The following GLIS3 variants were observed in gnomAD, a reference collection of about 807,000 sequenced individuals.
GLIS3 encodes zinc finger protein GLIS3.
A neutral mutation model predicts 78.6 loss-of-function variants in GLIS3; 53 were observed. The ratio of observed to expected loss-of-function variants is 0.67; its 90% CI spans 0.54 to 0.85. The LOEUF (loss-of-function observed/expected upper bound fraction) is 0.85. Ranked by LOEUF, GLIS3 falls within the 40% of genes least tolerant of loss-of-function variation. The pLI, the probability that GLIS3 is intolerant of heterozygous loss-of-function variation, is 0.00. For missense variants in GLIS3, 1,703 were observed against 1,231.1 expected, an observed-to-expected ratio of 1.38 and a Z score of -5.74; for synonymous variants, 684 against 509.9, an observed-to-expected ratio of 1.34 and a Z score of -4.60.
chr9:3,894,719 AT>A (rs3061590), intron 7 of GLIS3, among the ~76,000 whole-genome samples: 25,546 of 151,240 alleles, frequency 0.17, 2,162 homozygotes, highest in Middle Eastern at 0.21. Flanking sequence ...CAAAACATCT[AT>A]TTTTTTTTTT....
intron 2 of GLIS3, among the ~76,000 whole-genome samples, chr9:4,183,266 G>A (rs975560327): frequency 6.6e-6 from 1 of 152,176 alleles, no homozygotes; most frequent in African/African-American, 2.4e-5. Context: ...TTCACTGACT[G>A]TTGGGGTCAC....
At chr9:4,276,726 C>T (rs1048124023) in intron 2 of GLIS3, among the ~76,000 whole-genome samples, 11 of 152,122 alleles carry the variant, frequency 7.2e-5, no homozygotes, top group African/African-American at 1.2e-4. Flanking sequence ...GAACAAATCA[C>T]GCCTCCGATT....
intron 4 of GLIS3, among the ~76,000 whole-genome samples, chr9:4,095,593 G>C (rs1346057107): frequency 1.3e-5 from 2 of 152,122 alleles, no homozygotes; most frequent in African/African-American, 2.4e-5. Flanking sequence ...GAACATATGA[G>C]TTCTAATGTT....
the GLIS3 span, among the ~76,000 whole-genome samples, chr9:4,384,532 C>A: frequency 6.0e-3 from 861 of 144,414 alleles, 8 homozygotes; most frequent in African/African-American, 0.023. Context: ...TTCTTCCTTA[C>A]TTCTTTCCTT....
At chr9:4,264,868 G>C (rs1172343841) in intron 2 of GLIS3, among the ~76,000 whole-genome samples, 2 of 152,092 alleles carry the variant, frequency 1.3e-5, no homozygotes, top group Non-Finnish European at 2.9e-5. Flanking sequence ...CAAATACTCA[G>C]TGAAATAACA....
chr9:3,835,124 G>T (rs1287293656), intron 9 of GLIS3, among the ~76,000 whole-genome samples: 2 of 152,190 alleles, frequency 1.3e-5, no homozygotes, highest in Non-Finnish European at 2.9e-5. Context: ...TAGTAGGTTT[G>T]TTTATGCAGC....
At position 3,855,963 on chromosome 9, in the gene GLIS3, C is replaced by A. The variant is rs763032741; in HGVS notation, c.2473+46G>T. 7.5e-6 allele frequency: 12 copies of A among 1,595,870 alleles called. No individual in the cohort carries two copies. In the Admixed American group the frequency reaches 1.7e-4, roughly 22 times the overall value. The stretch of plus-strand genomic sequence containing the variant: ...GTAACTAAGATGAAAAGCAACAGCA[C>A]AATGTCACTTTTCAAAACTCAAGGG... On this transcript the variant is annotated intron_variant, in intron 9 of 10. Coordinates refer to ENST00000381971, the MANE Select transcript of GLIS3 (RefSeq NM_001042413.2).
At chr9:3,873,991 T>C (rs779403482) in intron 8 of GLIS3, among the ~76,000 whole-genome samples, 4 of 152,062 alleles carry the variant, frequency 2.6e-5, no homozygotes, top group Non-Finnish European at 5.9e-5. Context: ...ATGAAATATA[T>C]ATTTGGTCTT....
At chr9:4,166,581 C>A (rs888959640) in intron 2 of GLIS3, among the ~76,000 whole-genome samples, 1 of 152,224 alleles carries the variant, frequency 6.6e-6, no homozygotes, top group Admixed American at 6.5e-5. Context: ...AACTGGCCAA[C>A]CTTGGAAAGG....
chr9:4,243,252 A>C (rs1032868802), intron 2 of GLIS3, among the ~76,000 whole-genome samples: 1 of 152,236 alleles, frequency 6.6e-6, no homozygotes, highest in African/African-American at 2.4e-5. Context: ...AGAGTACAGT[A>C]CAGGAAGGAG....
chr9:4,145,407 T>C (rs1834142611), intron 2 of GLIS3, among the ~76,000 whole-genome samples: 1 of 152,120 alleles, frequency 6.6e-6, no homozygotes, highest in African/African-American at 2.4e-5. Context: ...AAACATATCT[T>C]TAGGTTGCCA....
chr9:3,942,396 A>C (rs140976271), intron 4 of GLIS3, among the ~76,000 whole-genome samples: 13 of 152,326 alleles, frequency 8.5e-5, no homozygotes, highest in African/African-American at 2.9e-4. Context: ...CCATCTCCAC[A>C]TACAACCCAA....
At chr9:4,114,402 G>A (rs1831466715) in intron 4 of GLIS3, among the ~76,000 whole-genome samples, 2 of 152,156 alleles carry the variant, frequency 1.3e-5, no homozygotes, top group Admixed American at 1.3e-4. Flanking sequence ...TTAGGAACAT[G>A]AAACAGGGGT....
At chr9:3,916,607 T>C (rs1373317685) in intron 6 of GLIS3, among the ~76,000 whole-genome samples, 2 of 152,220 alleles carry the variant, frequency 1.3e-5, no homozygotes, top group Admixed American at 6.5e-5. Flanking sequence ...CAGCGCTGCA[T>C]GGTGCCTGAT....
rs147526907 is a variant in GLIS3, at chr9:4,177,834, G to A, written c.389-51893C>T. On this transcript the variant is annotated intron_variant, in intron 2 of 10. Transcript: ENST00000381971. ...GAAAGCAGTACTGAATAAGCTATGC[G>A]ACAGAAAGATAGTATTCACAATGCT... Among the ~76,000 whole-genome samples, 642 of 152,258 alleles carry A rather than the reference G, an allele frequency of 4.2e-3. 4 individuals carry two copies. The highest frequency in any genetic ancestry group is 7.8e-3 in the Admixed American group (120 of 15,298).
chr9:3,957,303 C>T (rs1289310010), intron 4 of GLIS3, among the ~76,000 whole-genome samples: 1 of 152,222 alleles, frequency 6.6e-6, no homozygotes, highest in African/African-American at 2.4e-5. Context: ...AATAACACTT[C>T]CCCAGTTTGG....
At chr9:4,475,291 G>A in the GLIS3 span, among the ~76,000 whole-genome samples, 1 of 152,278 alleles carries the variant, frequency 6.6e-6, no homozygotes, top group South Asian at 2.1e-4. Context: ...AGTAAGAAGA[G>A]GCTGAACAGA....
intron 2 of GLIS3, among the ~76,000 whole-genome samples, chr9:4,283,992 G>C (rs767693103): frequency 6.6e-6 from 1 of 152,218 alleles, no homozygotes; most frequent in Non-Finnish European, 1.5e-5. Context: ...GAATCAAGAA[G>C]CAGCACTACT....
chr9:4,371,349 C>G, the GLIS3 span, among the ~76,000 whole-genome samples: 1 of 152,212 alleles, frequency 6.6e-6, no homozygotes, highest in Non-Finnish European at 1.5e-5. Flanking sequence ...CGAAGGCCCA[C>G]TCCACTTCTT....
Sources: gnomAD v4.1 joint callset for allele counts (sites outside exome capture counted in the v4.1 genomes callset) on GRCh38, gnomAD v4.1.1 for gene constraint, MANE v1.5 for transcripts, NCBI Gene and HGNC (gene_info 2026-07-23, HGNC 2026-07-21) for gene names.